STRC: variants seen among roughly 807,000 people sequenced by gnomAD.
STRC encodes stereocilin.
A neutral mutation model predicts 103.5 loss-of-function variants in STRC; 43 were observed. The ratio of observed to expected loss-of-function variants is 0.42; its 90% CI spans 0.33 to 0.54. The LOEUF (loss-of-function observed/expected upper bound fraction) is 0.54, where lower values mean the gene tolerates loss of function less well. Ranked by LOEUF, STRC falls within the 20% of genes least tolerant of loss-of-function variation. The pLI is 0.14. For synonymous variants in STRC, 186 were observed against 442.3 expected, an observed-to-expected ratio of 0.42 and a Z score of 7.27; for missense variants, 499 against 1,088.5, an observed-to-expected ratio of 0.46 and a Z score of 7.62.
rs759275316 is a variant in STRC, at chr15:43,603,393, G to A, written c.4394C>T (p.Ala1465Val). ...TGCTGGGAATGTCCCTCGTACATCT[G>A]CACAATTTGGCACAGGTTCTGAAGG... ...EDLPEPVPNCADVRGTFPAAW... is the reference protein window; with the variant it reads ...EDLPEPVPNCVDVRGTFPAAW... Residue 1465 changes from alanine (A) to valine (V), a missense_variant, in exon 23 of 29, where the codon GCA becomes GTA. Transcript: ENST00000450892. The A allele has an allele frequency of 6.2e-7, 1 of 1,613,560 alleles. No homozygotes were observed. The highest frequency in any genetic ancestry group is 1.7e-5 in the Admixed American group (1 of 60,000).
chr15:43,604,344 T>C lies in STRC; in HGVS notation c.4218+17A>G. ...CCCTCTATGCATTTACTCCCTTCCC[T>C]TCTTCCTTCATCTCACCCTGGGGAT... is the stretch of plus-strand genomic sequence containing the variant. On this transcript the variant is annotated intron_variant, in intron 21 of 28. Coordinates refer to ENST00000450892, the MANE Select transcript of STRC (RefSeq NM_153700.2). 6.4e-7 allele frequency: 1 copy of C among 1,567,274 alleles called. No homozygotes were observed. The highest frequency in any genetic ancestry group is 1.2e-5 in the South Asian group (1 of 86,254).
At chr15:43,601,906 G>A (rs1359844047) in intron 23 of STRC, among the ~76,000 whole-genome samples, 11 of 151,626 alleles carry the variant, frequency 7.3e-5, no homozygotes, top group Non-Finnish European at 1.6e-4. Flanking sequence ...GATTGCTTGA[G>A]CCCAGAAGTT....
At chr15:43,602,735 C>G (rs1354659954) in intron 23 of STRC, 1 of 170,862 alleles carries the variant, frequency 5.9e-6, no homozygotes, top group African/African-American at 2.4e-5. Context: ...AGCTCCCCCT[C>G]CCAGGTTCAC....
At position 43,611,000 on chromosome 15, in the gene STRC, T is replaced by TGTGTGTG; in HGVS notation, c.3307-17_3307-16insCACACAC. On this transcript the variant is annotated splice_polypyrimidine_tract_variant and intron_variant, in intron 13 of 28. Coordinates refer to ENST00000450892, the MANE Select transcript of STRC (RefSeq NM_153700.2). ...CATCTTTAACCTGCATGAGAATTGG[T>TGTGTGTG]TGTGTGTGTGTGTGTGTGTGTGTGT... 6.5e-7 allele frequency: 1 copy of TGTGTGTG among 1,534,960 alleles called. No homozygotes were observed. The highest frequency in any genetic ancestry group is 8.8e-7 in the Non-Finnish European group (1 of 1,131,466).
intron 22 of STRC, 99 bp downstream of exon 22, chr15:43,603,897 T>C (rs2085692359): frequency 6.3e-7 from 1 of 1,585,100 alleles, no homozygotes; most frequent in Non-Finnish European, 8.6e-7. Context: ...GCTTTATAAA[T>C]TAGAAAACCC....
chr15:43,608,159 T>C lies in STRC; in HGVS notation c.3602A>G (p.Gln1201Arg), dbSNP rs1218025929. The C allele has an allele frequency of 1.9e-6, 3 of 1,604,556 alleles. No homozygotes were observed. The South Asian group carries it at 3.3e-5, about 18-fold the overall frequency. Residue 1201 changes from glutamine (Q) to arginine (R), a missense_variant, in exon 17 of 29, where the codon CAG (glutamine) becomes CGG (arginine). Gln to Arg is a conservative substitution (Grantham distance 43). Coordinates refer to ENST00000450892, the MANE Select transcript of STRC (RefSeq NM_153700.2). Reference sequence around the variant, plus strand: ...GAAGTCTACCATGGAGTTGATCTGCTGCAGAAACTCACAGGACATGCCTCC... The same window carrying C: ...GAAGTCTACCATGGAGTTGATCTGCCGCAGAAACTCACAGGACATGCCTCC... ...LAGGMSCEFL[Q>R]QINSMVDFLE...
At chr15:43,604,318 C>G (rs967991245) in intron 21 of STRC, 43 bp downstream of exon 21, 22 of 1,580,880 alleles carry the variant, frequency 1.4e-5, no homozygotes, top group Non-Finnish European at 1.8e-5. Flanking sequence ...GCTCACCAGT[C>G]CCCTCTATGC....
chr15:43,603,011 C>G (rs778059728), intron 23 of STRC, among the ~76,000 whole-genome samples: 10 of 151,844 alleles, frequency 6.6e-5, no homozygotes, highest in African/African-American at 1.9e-4. Context: ...CCTTGATGAT[C>G]GTGATATGCA....
chr15:43,611,006 G>T (rs1482942831), intron 13 of STRC, 22 bp from the exon 14 acceptor site: 9 of 1,482,814 alleles, frequency 6.1e-6, no homozygotes, highest in Non-Finnish European at 8.3e-6. Context: ...TTGGTTGTGT[G>T]TGTGTGTGTG....
chr15:43,607,025 A>G (rs995742209), intron 18 of STRC, among the ~76,000 whole-genome samples: 16 of 150,504 alleles, frequency 1.1e-4, no homozygotes, highest in Non-Finnish European at 1.8e-4. Flanking sequence ...GAAAAAAAAG[A>G]AAAAAGTAGG....
At chr15:43,609,251 G>T (rs199722548) in intron 16 of STRC, 25 bp downstream of exon 16, 2 of 1,608,162 alleles carry the variant, frequency 1.2e-6, no homozygotes, top group Non-Finnish European at 1.7e-6. Flanking sequence ...CGAATTCAGC[G>T]CACTGCTCAA....
At position 43,604,253 on chromosome 15, in the gene STRC, C is replaced by T. The variant is rs2085695886; in HGVS notation, c.4219-101G>A. The T allele has an allele frequency of 4.4e-6, 7 of 1,594,032 alleles. No individual in the cohort carries two copies. In the Admixed American group the frequency reaches 7.0e-5, roughly 16 times the overall value. On this transcript the variant is annotated intron_variant, in intron 21 of 28. Coordinates refer to ENST00000450892, the MANE Select transcript of STRC (RefSeq NM_153700.2). ...TCCTGTCTCTGTTTTGCAGTCTCCC[C>T]CCAGATCTAGGCTTCATATCCTTTG...
chr15:43,601,652 G>C, intron 23 of STRC, 101 bp from the exon 24 acceptor site: 1 of 1,271,354 alleles, frequency 7.9e-7, no homozygotes, highest in South Asian at 1.2e-5. Context: ...TATAACTCTA[G>C]GTAAATCATT....
chr15:43,601,260 T>A (rs993308878), intron 24 of STRC, 136 bp downstream of exon 24: 1 of 1,354,426 alleles, frequency 7.4e-7, no homozygotes, highest in Admixed American at 1.9e-5. Flanking sequence ...GTCACTAGTA[T>A]GGGGTATCAA....
At position 43,601,535 on chromosome 15, in the gene STRC, CG is replaced by C. The variant is rs749358024; in HGVS notation, c.4561del (p.Arg1521GlyfsTer15). The C allele has an allele frequency of 1.9e-6, 3 of 1,613,572 alleles. No individual in the cohort carries two copies. Among genetic ancestry groups the C allele is most frequent in the Non-Finnish European group, 2.5e-6 (3 of 1,179,768 alleles). ...GKAKQLWGPPRGFRPEQILQL... is the reference protein window; with the variant it reads ...GKAKQLWGPPXGFRPEQILQL... ...CAGGATCTGCTCAGGACGAAATCCCCGGGGGGGACCCCACAACTAGGAGAAA... is the reference window on the plus strand; with the variant it reads ...CAGGATCTGCTCAGGACGAAATCCCCGGGGGGACCCCACAACTAGGAGAAA... On this transcript the variant is annotated frameshift_variant, in exon 24 of 29. Transcript: ENST00000450892. LOFTEE classifies it high-confidence loss of function.
chr15:43,600,627 C>T lies in STRC; in HGVS notation c.4900G>A (p.Glu1634Lys), dbSNP rs2085657924. Residue 1634 changes from glutamate to lysine, a missense_variant, in exon 26 of 29, where the codon GAG (glutamate) becomes AAG (lysine). Transcript: ENST00000450892. Reference sequence around the variant, plus strand: ...AGTACAAGTAGGTGGGCCAGAACCTCCAGTTGTTCCTCAGAGCACTGGAGA... The same window carrying T: ...AGTACAAGTAGGTGGGCCAGAACCTTCAGTTGTTCCTCAGAGCACTGGAGA... ...LHLQCSEEQL[E>K]VLAHLLVLPG... The T allele has an allele frequency of 8.7e-6, 14 of 1,613,750 alleles. No individual in the cohort carries two copies. Among genetic ancestry groups the T allele is most frequent in the Non-Finnish European group, 1.2e-5 (14 of 1,179,884 alleles).
intron 22 of STRC, 55 bp downstream of exon 22, chr15:43,603,941 C>T (rs1192099896): frequency 9.9e-6 from 16 of 1,610,432 alleles, no homozygotes; most frequent in African/African-American, 4.0e-5. Flanking sequence ...GAACCCAGAC[C>T]GTTTGATACT....
rs772901207 is a variant in STRC, at chr15:43,600,952, G to A, written c.4764C>T (p.Phe1588=). 1.1e-5 allele frequency: 17 copies of A among 1,579,052 alleles called. No homozygotes were observed. The highest frequency in any genetic ancestry group is 3.4e-4 in the Middle Eastern group (2 of 5,938). Residue 1588 remains phenylalanine (F), a synonymous_variant, in exon 25 of 29, where the codon TTC becomes TTT. Transcript: ENST00000450892. The part of the protein sequence containing the change: ...QSGRHVSHLD[F]VHLTALGYTL... ...TATAACCCAGCGCTGTCAGATGAAC[G>A]AAGTCCAGGTGGCTCACATGCCGAC...
Position 43,601,531 on chromosome 15 carries a change from TC to T in STRC, c.4565del (p.Gly1522AspfsTer14), listed in dbSNP as rs746877769. The T allele has an allele frequency of 2.5e-6, 4 of 1,613,548 alleles. No individual in the cohort carries two copies. In the African/African-American group the frequency reaches 5.3e-5, roughly 22 times the overall value. ...GCTGCAGGATCTGCTCAGGACGAAA[TC>T]CCCGGGGGGGACCCCACAACTAGGA... is the stretch of plus-strand genomic sequence containing the variant. ...KAKQLWGPPRGFRPEQILQLG... is the reference protein window; with the variant it reads ...KAKQLWGPPRXFRPEQILQLG... On this transcript the variant is annotated frameshift_variant, in exon 24 of 29. Transcript: ENST00000450892. LOFTEE classifies it high-confidence loss of function.
Sources: allele counts gnomAD v4.1 joint callset (sites outside exome capture counted in the v4.1 genomes callset), GRCh38; gene constraint gnomAD v4.1.1; transcripts MANE v1.5; gene names NCBI Gene and HGNC (gene_info 2026-07-23, HGNC 2026-07-21).